Variants in RPS3 observed in about 807,000 individuals in gnomAD.
RPS3 encodes ribosomal protein S3.
In RPS3, 2 loss-of-function variants were observed where a neutral mutation model predicts 25.8. The observed-to-expected ratio is 0.08, with a 90% CI of 0.03 to 0.24. The LOEUF (loss-of-function observed/expected upper bound fraction) is 0.24, where lower values mean the gene tolerates loss of function less well. Ranked by LOEUF, RPS3 falls within the 10% of genes least tolerant of loss-of-function variation. RPS3 has a pLI of 1.00. For synonymous variants in RPS3, 114 were observed against 114.2 expected, an observed-to-expected ratio of 1.00 and a Z score of 0.01; for missense variants, 107 against 307.1, an observed-to-expected ratio of 0.35 and a Z score of 4.87.
chr11:75,421,234 G>A (rs1484256800), intron 6 of RPS3, among the ~76,000 whole-genome samples: 1 of 152,192 alleles, frequency 6.6e-6, no homozygotes, highest in Non-Finnish European at 1.5e-5. Flanking sequence ...GCCATGATGG[G>A]CCGGCCCCAG....
At chr11:75,400,864 A>T (rs746604800) in intron 2 of RPS3, 40 bp downstream of exon 2, 47 of 1,592,136 alleles carry the variant, frequency 3.0e-5, no homozygotes, top group Non-Finnish European at 4.0e-5. Context: ...TAATTGTTAT[A>T]AATGCTAAGT....
downstream of RPS3, among the ~76,000 whole-genome samples, chr11:75,408,538 G>T (rs1364464819): frequency 6.6e-6 from 1 of 152,138 alleles, no homozygotes; most frequent in East Asian, 1.9e-4. Flanking sequence ...GGGAGGCCAG[G>T]TGCAGTGGCT....
chr11:75,410,634 A>G (rs1948346676), downstream of RPS3, among the ~76,000 whole-genome samples: 1 of 152,224 alleles, frequency 6.6e-6, no homozygotes. Context: ...AGGCCAAGGC[A>G]GGCGGCTGGG....
intron 2 of RPS3, among the ~76,000 whole-genome samples, chr11:75,401,277 C>T (rs1048602237): frequency 3.9e-5 from 6 of 152,070 alleles, no homozygotes; most frequent in African/African-American, 1.4e-4. Flanking sequence ...TAAGGCCAGG[C>T]GTAGGATCAC....
At chr11:75,421,187 G>A (rs1402792841) in intron 6 of RPS3, among the ~76,000 whole-genome samples, 1 of 152,180 alleles carries the variant, frequency 6.6e-6, no homozygotes, top group Non-Finnish European at 1.5e-5. Context: ...GATAATCGGC[G>A]GGTCGGAGCT....
intron 4 of RPS3, 161 bp downstream of exon 4, chr11:75,402,607 G>A: frequency 1.5e-6 from 1 of 675,740 alleles, no homozygotes; most frequent in Non-Finnish European, 2.3e-6. Context: ...GAACTGGCAG[G>A]CTAACAAGAC....
chr11:75,407,409 A>T (rs1948300146), downstream of RPS3, among the ~76,000 whole-genome samples: 1 of 152,250 alleles, frequency 6.6e-6, no homozygotes, highest in Non-Finnish European at 1.5e-5. Context: ...GAGTGCTGGA[A>T]TTACAGGCGT....
downstream of RPS3, among the ~76,000 whole-genome samples, chr11:75,409,913 C>G (rs1197833415): frequency 6.8e-6 from 1 of 148,096 alleles, no homozygotes; most frequent in Non-Finnish European, 1.5e-5. Context: ...CCTCACCTCC[C>G]GGACGGGGCG....
intron 2 of RPS3, 122 bp downstream of exon 2, chr11:75,400,946 G>A: frequency 7.6e-7 from 1 of 1,318,236 alleles, no homozygotes; most frequent in Non-Finnish European, 9.8e-7. Flanking sequence ...GCAGTGGCGC[G>A]ATCTCGGCTC....
At chr11:75,405,069 C>A (rs926594401) in intron 6 of RPS3, 2 of 424,692 alleles carry the variant, frequency 4.7e-6, no homozygotes, top group East Asian at 7.0e-5. Flanking sequence ...TTTATTCTTT[C>A]CAGAAAGAAG....
At chr11:75,418,244 A>G (rs370842777) in intron 6 of RPS3, among the ~76,000 whole-genome samples, 2 of 152,214 alleles carry the variant, frequency 1.3e-5, no homozygotes, top group Non-Finnish European at 2.9e-5. Flanking sequence ...GGCTGGGGCA[A>G]TGCCAGGACC....
chr11:75,400,678 G>A lies in RPS3; in HGVS notation c.31-16G>A, dbSNP rs780695744. The A allele has an allele frequency of 2.5e-6, 4 of 1,609,884 alleles. No individual in the cohort carries two copies. In the Middle Eastern group the frequency reaches 5.0e-4, roughly 200 times the overall value. On this transcript the variant is annotated splice_polypyrimidine_tract_variant and intron_variant, in intron 1 of 6. Transcript: ENST00000531188. ...CACCGATCTCCTAATTTTGAACTTT[G>A]CTTTGTTTGGATTAGTTTGTCGCTG...
At chr11:75,411,243 C>T (rs1948353974), downstream of RPS3, among the ~76,000 whole-genome samples, 1 of 151,972 alleles carries the variant, frequency 6.6e-6, no homozygotes, top group Non-Finnish European at 1.5e-5. Context: ...AACTCTTGAC[C>T]TGAAATGATC....
downstream of RPS3, among the ~76,000 whole-genome samples, chr11:75,408,125 C>G (rs1391023921): frequency 6.6e-6 from 1 of 151,246 alleles, no homozygotes; most frequent in Non-Finnish European, 1.5e-5. Flanking sequence ...AAGAAATAAA[C>G]TTAATTGTGA....
chr11:75,401,956 T>C (rs1948215807), intron 3 of RPS3: 1 of 569,186 alleles, frequency 1.8e-6, no homozygotes, highest in African/African-American at 1.9e-5. Flanking sequence ...ATGCATATGA[T>C]GGATTAACTG....
chr11:75,415,589 C>T (rs945094365), intron 6 of RPS3, among the ~76,000 whole-genome samples: 2 of 151,902 alleles, frequency 1.3e-5, no homozygotes, highest in African/African-American at 2.4e-5. Flanking sequence ...GGGTGGATCA[C>T]GAGGTCAGGA....
downstream of RPS3, among the ~76,000 whole-genome samples, chr11:75,407,296 C>T (rs1392929263): frequency 2.0e-5 from 3 of 151,822 alleles, no homozygotes; most frequent in African/African-American, 7.2e-5. Flanking sequence ...CGCCACCATG[C>T]CCAGCTAATT....
At chr11:75,411,374 TTTGTA>T (rs1204762380), downstream of RPS3, among the ~76,000 whole-genome samples, 2 of 151,650 alleles carry the variant, frequency 1.3e-5, no homozygotes, top group South Asian at 2.1e-4. Context: ...CTAGCAAGTA[TTTGTA>T]TTTTATTTTA....
At chr11:75,417,963 G>A (rs532751) in intron 6 of RPS3, among the ~76,000 whole-genome samples, 34,561 of 152,144 alleles carry the variant, frequency 0.23, 4,864 homozygotes, top group Non-Finnish European at 0.33. Context: ...GCCCAGCCTC[G>A]GCCCGGATCA....
Sources: allele counts gnomAD v4.1 joint callset (sites outside exome capture counted in the v4.1 genomes callset), GRCh38; gene constraint gnomAD v4.1.1; transcripts MANE v1.5; gene names NCBI Gene and HGNC (gene_info 2026-07-23, HGNC 2026-07-21).